The following CNTN1 variants were observed in gnomAD, a reference collection of about 807,000 sequenced individuals.
CNTN1 encodes the protein contactin 1.
Under a neutral mutation model 126.4 loss-of-function variants are expected in CNTN1, and 38 were observed. The observed-to-expected ratio is 0.30, with a 90% confidence interval of 0.23 to 0.39. CNTN1 has a LOEUF of 0.39. Ranked by LOEUF, CNTN1 falls within the 10% of genes least tolerant of loss-of-function variation. The pLI, the probability that CNTN1 is intolerant of heterozygous loss-of-function variation, is 1.00. For missense variants in CNTN1, 1,009 were observed against 1,248.4 expected, an observed-to-expected ratio of 0.81 and a Z score of 2.89; for synonymous variants, 413 against 422.6, an observed-to-expected ratio of 0.98 and a Z score of 0.28.
At chr12:40,809,157 A>T (rs752215830) in intron 1 of CNTN1, among the ~76,000 whole-genome samples, 12 of 152,194 alleles carry the variant, frequency 7.9e-5, no homozygotes, top group Admixed American at 7.2e-4. Flanking sequence ...CCCTACAACC[A>T]TTCCCTAGAA....
chr12:40,867,467 T>C (rs1234380664), intron 1 of CNTN1, among the ~76,000 whole-genome samples: 7 of 152,206 alleles, frequency 4.6e-5, no homozygotes, highest in Non-Finnish European at 8.8e-5. Context: ...TGTATTGTAT[T>C]TGAAAATCTC....
chr12:41,045,318 A>T (rs1262544080), intron 23 of CNTN1, among the ~76,000 whole-genome samples: 1 of 152,158 alleles, frequency 6.6e-6, no homozygotes, highest in Non-Finnish European at 1.5e-5. Flanking sequence ...TTGAAACATT[A>T]TAGGCTGTGT....
intron 1 of CNTN1, among the ~76,000 whole-genome samples, chr12:40,796,409 C>G (rs10467171): frequency 0.71 from 108,004 of 151,904 alleles, 38,472 homozygotes; most frequent in Middle Eastern, 0.77. Flanking sequence ...CCGAGAGCTT[C>G]CTAGAAAAGC....
rs550182662 is a variant in CNTN1 at position 40,928,010 on chromosome 12, TA to T, written c.497-1782del. 3.3e-5 allele frequency among the ~76,000 whole-genome samples: 5 copies of T among 152,188 alleles called. No individual in the cohort carries two copies. The East Asian group carries it at 9.7e-4, about 29-fold the overall frequency. ...CTGATAAAAAAGTCATACTGAGAAT[TA>T]AAATTCAGGTCTCTGTATTCACATA... On this transcript the variant is annotated intron_variant, in intron 6 of 23. Coordinates refer to ENST00000551295, the MANE Select transcript of CNTN1 (RefSeq NM_001843.4).
chr12:41,065,710 A>G (rs1341998366), intron 23 of CNTN1, among the ~76,000 whole-genome samples: 1 of 152,222 alleles, frequency 6.6e-6, no homozygotes, highest in Non-Finnish European at 1.5e-5. Flanking sequence ...TAGGTGGGAC[A>G]AGAAGAGCAG....
At chr12:40,897,605 G>A (rs541421517) in intron 1 of CNTN1, among the ~76,000 whole-genome samples, 58 of 152,162 alleles carry the variant, frequency 3.8e-4, no homozygotes, top group African/African-American at 1.3e-3. Flanking sequence ...ATGACCGGAG[G>A]CATGTATTGA....
chr12:40,844,068 G>GTTTTTTTTTTTTTTTTTTTT (rs1424373022), intron 1 of CNTN1, among the ~76,000 whole-genome samples: 1 of 40,232 alleles, frequency 2.5e-5, no homozygotes, highest in African/African-American at 7.0e-5. Flanking sequence ...TTGGCACAAT[G>GTTTTTTTTTTTTTTTTTTTT]ATTTTTTTTT....
At chr12:40,965,942 C>A (rs964148922) in intron 15 of CNTN1, among the ~76,000 whole-genome samples, 2 of 149,418 alleles carry the variant, frequency 1.3e-5, no homozygotes, top group Admixed American at 6.7e-5. Flanking sequence ...CATAAAAGTT[C>A]TATATAATAT....
At chr12:40,845,299 GTA>G in intron 1 of CNTN1, among the ~76,000 whole-genome samples, 1 of 152,236 alleles carries the variant, frequency 6.6e-6, no homozygotes, top group East Asian at 1.9e-4. Flanking sequence ...TGTTAGCCCA[GTA>G]AAGTGCAGAT....
At chr12:41,054,855 A>C (rs2121056216) in intron 23 of CNTN1, among the ~76,000 whole-genome samples, 1 of 152,254 alleles carries the variant, frequency 6.6e-6, no homozygotes, top group East Asian at 1.9e-4. Context: ...CAATCATTTA[A>C]TATATTTTCT....
At chr12:40,981,146 T>G in intron 16 of CNTN1, 79 bp downstream of exon 16, 1 of 1,434,302 alleles carries the variant, frequency 7.0e-7, no homozygotes, top group South Asian at 1.2e-5. Flanking sequence ...TTGGAGGTTT[T>G]AAAAATGTCA....
intron 23 of CNTN1, among the ~76,000 whole-genome samples, chr12:41,042,290 A>C (rs999538480): frequency 6.0e-4 from 91 of 152,160 alleles, no homozygotes; most frequent in African/African-American, 2.0e-3. Context: ...ACAGTTTGTT[A>C]TAATTTCTGT....
At chr12:40,746,247 T>C (rs1358631877) in intron 1 of CNTN1, among the ~76,000 whole-genome samples, 3 of 152,122 alleles carry the variant, frequency 2.0e-5, no homozygotes. Flanking sequence ...CATTTTAAGG[T>C]ATCAAAATCT....
intron 14 of CNTN1, among the ~76,000 whole-genome samples, chr12:40,957,350 A>G (rs1192555379): frequency 2.6e-5 from 4 of 151,808 alleles, no homozygotes; most frequent in Non-Finnish European, 4.4e-5. Context: ...GGAGAGGTGA[A>G]GGTTACTGGG....
intron 1 of CNTN1, among the ~76,000 whole-genome samples, chr12:40,710,288 G>A (rs1941879974): frequency 1.3e-5 from 2 of 152,150 alleles, no homozygotes; most frequent in African/African-American, 4.8e-5. Context: ...GGAGGAATTA[G>A]CCCTTGGTGG....
chr12:40,807,300 A>AATT, intron 1 of CNTN1, among the ~76,000 whole-genome samples: 1 of 151,730 alleles, frequency 6.6e-6, no homozygotes, highest in Non-Finnish European at 1.5e-5. Flanking sequence ...TTATTATTAT[A>AATT]ATTATTATTA....
intron 1 of CNTN1, among the ~76,000 whole-genome samples, chr12:40,761,466 T>C (rs1274725691): frequency 2.0e-5 from 3 of 152,116 alleles, no homozygotes; most frequent in Non-Finnish European, 4.4e-5. Flanking sequence ...TTTTTAAATA[T>C]ATGATTCAGT....
In CNTN1 at chr12:40,933,734, C is replaced by T. The variant is rs2136920341; in HGVS notation, c.841C>T (p.Pro281Ser). 2 of 1,612,834 alleles carry T rather than the reference C, an allele frequency of 1.2e-6. No individual in the cohort carries two copies. The highest frequency in any genetic ancestry group is 4.5e-5 in the East Asian group (2 of 44,838). The change falls in exon 9 of 24, where the codon CCA (proline) becomes TCA (serine). Residue 281 changes from proline (P) to serine (S), a missense_variant. Transcript: ENST00000551295. ...PDIRWRKVLE[P>S]MPSTAEISTS... The stretch of plus-strand genomic sequence containing the variant: ...TATCCGATGGCGGAAGGTTCTAGAA[C>T]CAATGCCAAGCACTGCTGAGATTAG...
At chr12:40,825,663 G>A (rs991938231) in intron 1 of CNTN1, among the ~76,000 whole-genome samples, 1 of 152,044 alleles carries the variant, frequency 6.6e-6, no homozygotes, top group Non-Finnish European at 1.5e-5. Flanking sequence ...TTTGTTTTAT[G>A]TGAGAGTACA....
Sources: allele counts gnomAD v4.1 joint callset (sites outside exome capture counted in the v4.1 genomes callset), GRCh38; gene constraint gnomAD v4.1.1; transcripts MANE v1.5; gene names NCBI Gene and HGNC (gene_info 2026-07-23, HGNC 2026-07-21).